Variants in ADAMTSL1 observed in about 807,000 individuals in gnomAD.
ADAMTSL1 encodes ADAMTS-like protein 1.
In ADAMTSL1, 126 loss-of-function variants were observed where a neutral mutation model predicts 201.8. The observed-to-expected ratio is 0.62, with a 90% confidence interval of 0.54 to 0.72. The LOEUF (loss-of-function observed/expected upper bound fraction) is 0.72, where lower values mean the gene tolerates loss of function less well. Among genes scored for constraint, ADAMTSL1 ranks in the 30% least tolerant of loss-of-function variants. The pLI is 0.00. For synonymous variants in ADAMTSL1, 1,121 were observed against 903.4 expected (o/e 1.24, Z -4.32); for missense variants, 2,679 against 2,277.8 (o/e 1.18, Z -3.59).
chr9:18,254,658 T>C (rs1430752358), intron 2 of ADAMTSL1, among the ~76,000 whole-genome samples: 49 of 103,890 alleles, frequency 4.7e-4, no homozygotes, highest in African/African-American at 1.6e-3. Flanking sequence ...CCACCGCGCC[T>C]GCCCCCCCGC....
In ADAMTSL1 at chr9:18,316,361, C is replaced by T. The variant is rs957765226; in HGVS notation, c.207+152380C>T. 6.6e-5 allele frequency among the ~76,000 whole-genome samples: 10 copies of T among 152,128 alleles called. No individual in the cohort carries two copies. The East Asian group carries it at 7.7e-4, about 12-fold the overall frequency. On this transcript the variant is annotated intron_variant, in intron 2 of 29. Transcript: ENST00000680146. ...TTCCTCTTCCTAATAAGCCTGGGAGCGCTATGGGAGACTGGGGTCCATTTC... is the reference window on the plus strand; with the variant it reads ...TTCCTCTTCCTAATAAGCCTGGGAGTGCTATGGGAGACTGGGGTCCATTTC...
At chr9:18,241,270 A>T (rs1831049223) in intron 2 of ADAMTSL1, among the ~76,000 whole-genome samples, 1 of 152,174 alleles carries the variant, frequency 6.6e-6, no homozygotes, top group African/African-American at 2.4e-5. Flanking sequence ...CTTAGAAGCC[A>T]TTATAGGGTC....
intron 1 of ADAMTSL1, among the ~76,000 whole-genome samples, chr9:17,989,582 A>G (rs1042466531): frequency 5.9e-5 from 9 of 152,064 alleles, no homozygotes; most frequent in Non-Finnish European, 1.3e-4. Flanking sequence ...TGCACACTTT[A>G]AAGCCTTTTT....
At chr9:18,673,563 G>T (rs1040260046) in intron 9 of ADAMTSL1, among the ~76,000 whole-genome samples, 8 of 152,146 alleles carry the variant, frequency 5.3e-5, no homozygotes, top group African/African-American at 1.9e-4. Flanking sequence ...AAAGTTCAAC[G>T]TCTTGAATTT....
intron 3 of ADAMTSL1, among the ~76,000 whole-genome samples, chr9:18,555,950 T>C (rs1409529642): frequency 6.6e-6 from 1 of 151,846 alleles, no homozygotes; most frequent in Non-Finnish European, 1.5e-5. Context: ...TGTAAAAGTG[T>C]TCCTATGAAC....
intron 2 of ADAMTSL1, among the ~76,000 whole-genome samples, chr9:18,213,723 C>T (rs1333965123): frequency 1.3e-5 from 2 of 152,016 alleles, no homozygotes; most frequent in African/African-American, 4.8e-5. Context: ...AGATCTGAGA[C>T]AGAATCTGAG....
chr9:18,453,649 C>G (rs1157099519), intron 2 of ADAMTSL1, among the ~76,000 whole-genome samples: 1 of 152,152 alleles, frequency 6.6e-6, no homozygotes, highest in African/African-American at 2.4e-5. Context: ...GCTTGGAAAT[C>G]TCTCCTGCCA....
chr9:18,307,866 C>A (rs1319815622), intron 2 of ADAMTSL1, among the ~76,000 whole-genome samples: 4 of 152,168 alleles, frequency 2.6e-5, no homozygotes, highest in Non-Finnish European at 5.9e-5. Context: ...CTATAGGACT[C>A]TTCACCCAAA....
At chr9:18,795,294 G>A (rs1822340132) in intron 19 of ADAMTSL1, 103 bp from the exon 20 acceptor site, 1 of 1,475,402 alleles carries the variant, frequency 6.8e-7, no homozygotes, top group African/African-American at 1.4e-5. Context: ...TTAAAACAGG[G>A]TTCTGCATAC....
intron 19 of ADAMTSL1, among the ~76,000 whole-genome samples, chr9:18,789,615 C>T (rs1821907128): frequency 6.6e-6 from 1 of 152,172 alleles, no homozygotes; most frequent in African/African-American, 2.4e-5. Flanking sequence ...TTTATAATCT[C>T]ACTGAAGAAA....
intron 4 of ADAMTSL1, among the ~76,000 whole-genome samples, chr9:18,618,686 T>G (rs1011260211): frequency 6.6e-6 from 1 of 151,920 alleles, no homozygotes; most frequent in Non-Finnish European, 1.5e-5. Flanking sequence ...ATTCTCAAGA[T>G]TGTCTCATTT....
chr9:17,955,863 C>T (rs1240642360), intron 1 of ADAMTSL1, among the ~76,000 whole-genome samples: 1 of 152,156 alleles, frequency 6.6e-6, no homozygotes. Context: ...CAGGTATCCC[C>T]TGAGGTTCTT....
intron 16 of ADAMTSL1, among the ~76,000 whole-genome samples, chr9:18,756,076 A>AATATATATATATATATATGTATAT (rs1819729219): frequency 1.2e-5 from 1 of 80,700 alleles, no homozygotes; most frequent in Non-Finnish European, 2.6e-5. Flanking sequence ...CTCTACTGAA[A>AATATATATATATATATATGTATAT]ATATATATAT....
At chr9:18,682,710 C>T (rs1830577094) in intron 12 of ADAMTSL1, among the ~76,000 whole-genome samples, 2 of 152,024 alleles carry the variant, frequency 1.3e-5, no homozygotes, top group Admixed American at 1.3e-4. Context: ...AAATATGGCT[C>T]CCATTTCTTT....
intron 1 of ADAMTSL1, among the ~76,000 whole-genome samples, chr9:18,159,848 G>A (rs1827309128): frequency 6.6e-6 from 1 of 152,036 alleles, no homozygotes; most frequent in Non-Finnish European, 1.5e-5. Flanking sequence ...TGCAGACATA[G>A]TTTGAGTTTC....
intron 7 of ADAMTSL1, among the ~76,000 whole-genome samples, chr9:18,642,329 A>G (rs1827502670): frequency 6.6e-6 from 1 of 151,982 alleles, no homozygotes; most frequent in Non-Finnish European, 1.5e-5. Context: ...AGTAAAAACT[A>G]GATTCATCAT....
intron 1 of ADAMTSL1, among the ~76,000 whole-genome samples, chr9:18,044,270 G>A (rs1402957762): frequency 1.3e-5 from 2 of 151,944 alleles, no homozygotes; most frequent in African/African-American, 4.8e-5. Flanking sequence ...TGAGACATAG[G>A]TAGGGCTCAT....
intron 20 of ADAMTSL1, among the ~76,000 whole-genome samples, chr9:18,816,786 A>T (rs561675635): frequency 6.4e-4 from 50 of 77,668 alleles, no homozygotes; most frequent in African/African-American, 2.2e-3. Flanking sequence ...ATTTAATTTT[A>T]AAAAATTTAC....
chr9:18,135,052 T>G (rs1826103490), intron 1 of ADAMTSL1, among the ~76,000 whole-genome samples: 1 of 152,176 alleles, frequency 6.6e-6, no homozygotes, highest in Admixed American at 6.5e-5. Context: ...CTTTTCTCAT[T>G]GTTGATAATA....
Sources: gnomAD v4.1 joint callset for allele counts (sites outside exome capture counted in the v4.1 genomes callset) on GRCh38, gnomAD v4.1.1 for gene constraint, MANE v1.5 for transcripts, NCBI Gene and HGNC (gene_info 2026-07-23, HGNC 2026-07-21) for gene names.